AGBL4: variants seen among roughly 807,000 people sequenced by gnomAD.
AGBL4 encodes the protein AGBL carboxypeptidase 4, also known as cytosolic carboxypeptidase 6.
In AGBL4, 58 loss-of-function variants were observed where a neutral mutation model predicts 66.4. The ratio of observed to expected loss-of-function variants is 0.87; its 90% confidence interval spans 0.71 to 1.09. The LOEUF is 1.09. Ranked by LOEUF, AGBL4 falls within the 50% of genes least tolerant of loss-of-function variation. The pLI, the probability that AGBL4 is intolerant of heterozygous loss-of-function variation, is 0.00. For synonymous variants in AGBL4, 234 were observed against 222.9 expected, an observed-to-expected ratio of 1.05 and a Z score of -0.44; for missense variants, 579 against 631.0, an observed-to-expected ratio of 0.92 and a Z score of 0.88.
At chr1:48,702,756 G>A (rs1208610152) in intron 6 of AGBL4, among the ~76,000 whole-genome samples, 1 of 152,188 alleles carries the variant, frequency 6.6e-6, no homozygotes, top group East Asian at 1.9e-4. Flanking sequence ...ATGCTGCAGG[G>A]AAGGAGGGTC....
chr1:48,914,913 G>A (rs1413200528), intron 5 of AGBL4, among the ~76,000 whole-genome samples: 2 of 152,130 alleles, frequency 1.3e-5, no homozygotes, highest in Admixed American at 1.3e-4. Context: ...TCTCTACCCA[G>A]GCTGCACATT....
chr1:48,816,323 G>T (rs1275778025), intron 6 of AGBL4, among the ~76,000 whole-genome samples: 1 of 152,158 alleles, frequency 6.6e-6, no homozygotes, highest in Non-Finnish European at 1.5e-5. Context: ...ACGATTTGAA[G>T]TCCCTTGATC....
chr1:49,864,809 G>A (rs1305575545), intron 1 of AGBL4, among the ~76,000 whole-genome samples: 1 of 152,144 alleles, frequency 6.6e-6, no homozygotes, highest in Non-Finnish European at 1.5e-5. Context: ...CACTGCGGCT[G>A]CCTGCTTGCT....
At chr1:49,573,695 T>G (rs1644378812) in intron 3 of AGBL4, among the ~76,000 whole-genome samples, 1 of 152,104 alleles carries the variant, frequency 6.6e-6, no homozygotes, top group Admixed American at 6.6e-5. Context: ...AAAACAGACA[T>G]GAGCTCTTAT....
intron 1 of AGBL4, among the ~76,000 whole-genome samples, chr1:49,976,709 T>G (rs907159050): frequency 6.6e-6 from 1 of 152,234 alleles, no homozygotes; most frequent in Non-Finnish European, 1.5e-5. Flanking sequence ...AACAATCCTT[T>G]AAGGAATATA....
intron 6 of AGBL4, among the ~76,000 whole-genome samples, chr1:48,841,608 A>T (rs756594875): frequency 2.4e-4 from 36 of 151,846 alleles, no homozygotes; most frequent in Non-Finnish European, 4.4e-4. Flanking sequence ...CTGTCCTTGC[A>T]CTGAACCAGC....
chr1:49,847,609 C>G (rs199711005), intron 2 of AGBL4, among the ~76,000 whole-genome samples: 1 of 151,830 alleles, frequency 6.6e-6, no homozygotes, highest in African/African-American at 2.4e-5. Context: ...GGAACTCAAA[C>G]AACAACCACA....
At chr1:49,744,716 A>G (rs973403455) in intron 2 of AGBL4, among the ~76,000 whole-genome samples, 1 of 152,118 alleles carries the variant, frequency 6.6e-6, no homozygotes, top group East Asian at 1.9e-4. Flanking sequence ...TACAAAAAGC[A>G]GTAAGTATAA....
intron 1 of AGBL4, among the ~76,000 whole-genome samples, chr1:49,999,450 T>TA (rs1256612556): frequency 1.3e-5 from 2 of 151,158 alleles, no homozygotes; most frequent in Non-Finnish European, 3.0e-5. Flanking sequence ...ACAAATGAAA[T>TA]ACATCCCGTG....
At chr1:49,466,935 T>C (rs1339886928) in intron 3 of AGBL4, among the ~76,000 whole-genome samples, 1 of 151,834 alleles carries the variant, frequency 6.6e-6, no homozygotes, top group Non-Finnish European at 1.5e-5. Flanking sequence ...AGTGGCAAGA[T>C]AATTCTAAGA....
At chr1:48,588,798 CAGAGAAGAGAAGAGA>C (rs547681818) in intron 10 of AGBL4, among the ~76,000 whole-genome samples, 9,798 of 113,166 alleles carry the variant, frequency 0.087, 435 homozygotes, top group Non-Finnish European at 0.12. Flanking sequence ...CATTGAGGAT[CAGAGAAGAGAAGAGA>C]AGAGAAGAGA....
At chr1:49,878,597 G>T (rs549134056) in intron 1 of AGBL4, among the ~76,000 whole-genome samples, 1 of 152,158 alleles carries the variant, frequency 6.6e-6, no homozygotes, top group South Asian at 2.1e-4. Flanking sequence ...GTCAATTTTG[G>T]AATAGGTGTG....
intron 6 of AGBL4, among the ~76,000 whole-genome samples, chr1:48,733,407 C>T (rs1040353056): frequency 6.6e-6 from 1 of 152,090 alleles, no homozygotes; most frequent in Non-Finnish European, 1.5e-5. Flanking sequence ...AGGTGTGATG[C>T]CTCAAAACTG....
chr1:49,038,643 CAAT>C (rs773271332), intron 5 of AGBL4, among the ~76,000 whole-genome samples: 2 of 151,954 alleles, frequency 1.3e-5, no homozygotes, highest in Admixed American at 6.6e-5. Flanking sequence ...ATCGAAACAA[CAAT>C]GAGATACAGT....
intron 3 of AGBL4, among the ~76,000 whole-genome samples, chr1:49,637,952 A>G (rs1645710758): frequency 6.6e-6 from 1 of 152,220 alleles, no homozygotes; most frequent in Non-Finnish European, 1.5e-5. Flanking sequence ...ATATTTCTAA[A>G]CTAATAATCA....
intron 3 of AGBL4, among the ~76,000 whole-genome samples, chr1:49,566,370 G>A (rs1415242150): frequency 6.6e-6 from 1 of 152,176 alleles, no homozygotes; most frequent in East Asian, 1.9e-4. Context: ...GAGGAGGAGA[G>A]GCGCTCTGAT....
chr1:48,629,066 G>A (rs1645551495), intron 9 of AGBL4, among the ~76,000 whole-genome samples: 3 of 152,084 alleles, frequency 2.0e-5, no homozygotes, highest in Admixed American at 2.0e-4. Context: ...TCAATTAACT[G>A]AGGATTTTAA....
At chr1:48,866,699 G>A (rs1023266202) in intron 6 of AGBL4, among the ~76,000 whole-genome samples, 4 of 152,090 alleles carry the variant, frequency 2.6e-5, no homozygotes, top group African/African-American at 9.7e-5. Flanking sequence ...CAGCTTTTTG[G>A]GTGGACCTGA....
At chr1:49,065,532 GT>G (rs1644477339) in intron 4 of AGBL4, among the ~76,000 whole-genome samples, 4 of 152,202 alleles carry the variant, frequency 2.6e-5, no homozygotes, top group Non-Finnish European at 5.9e-5. Flanking sequence ...CTAAAGAGGA[GT>G]CTGAACCAAG....
Sources: gnomAD v4.1 joint callset for allele counts (sites outside exome capture counted in the v4.1 genomes callset) on GRCh38, gnomAD v4.1.1 for gene constraint, MANE v1.5 for transcripts, NCBI Gene and HGNC (gene_info 2026-07-23, HGNC 2026-07-21) for gene names.